Variants in MAPRE1 observed in about 807,000 individuals in gnomAD.
MAPRE1 encodes microtubule associated protein RP/EB family member 1.
In MAPRE1, 5 loss-of-function variants were observed where a neutral mutation model predicts 32.1. The observed-to-expected ratio is 0.16, with a 90% CI of 0.08 to 0.33. The LOEUF is 0.33. Ranked by LOEUF, MAPRE1 falls within the 10% of genes least tolerant of loss-of-function variation. MAPRE1 has a pLI of 1.00. For synonymous variants in MAPRE1, 122 were observed against 118.9 expected (o/e 1.03, Z -0.17); for missense variants, 209 against 327.2 (o/e 0.64, Z 2.79).
intron 3 of MAPRE1, among the ~76,000 whole-genome samples, chr20:32,836,297 A>T (rs1022728049): frequency 6.6e-6 from 1 of 152,250 alleles, no homozygotes; most frequent in Non-Finnish European, 1.5e-5. Flanking sequence ...TGCAAGTTAT[A>T]TAGCGGACCT....
chr20:32,836,567 G>A (rs1205430178), intron 3 of MAPRE1, 67 bp from the exon 4 acceptor site: 5 of 851,386 alleles, frequency 5.9e-6, no homozygotes, highest in Non-Finnish European at 9.6e-6. Flanking sequence ...ATGAATTGAT[G>A]CATGGACTAG....
At chr20:32,821,040 T>C (rs548982909) in intron 1 of MAPRE1, among the ~76,000 whole-genome samples, 1 of 150,934 alleles carries the variant, frequency 6.6e-6, no homozygotes, top group Non-Finnish European at 1.5e-5. Flanking sequence ...TTTTTTTTTT[T>C]GAGACAGAGT....
In MAPRE1 at chr20:32,836,891, C is replaced by G. The variant is rs770604287; in HGVS notation, c.475+50C>G. On this transcript the variant is annotated intron_variant, in intron 4 of 6. Coordinates refer to ENST00000375571, the MANE Select transcript of MAPRE1 (RefSeq NM_012325.3). ...TCCAAAAAATAGCGTTCCAGATATT[C>G]ATTCAGCGTTCAACTAGAATTTTTT... 2.7e-6 allele frequency: 4 copies of G among 1,505,752 alleles called. No individual in the cohort carries two copies. The East Asian group carries it at 6.8e-5, about 26-fold the overall frequency. The allele number at this position is 1,505,752 out of a possible 1,614,324, so 93.3% of individuals were successfully genotyped here.
intron 2 of MAPRE1, among the ~76,000 whole-genome samples, chr20:32,830,946 G>C (rs1448411451): frequency 6.6e-6 from 1 of 152,010 alleles, no homozygotes; most frequent in Non-Finnish European, 1.5e-5. Flanking sequence ...GGATGGTCTC[G>C]ATCTCCTGAC....
intron 5 of MAPRE1, among the ~76,000 whole-genome samples, chr20:32,840,938 C>G (rs986959109): frequency 1.3e-5 from 2 of 152,184 alleles, no homozygotes; most frequent in African/African-American, 4.8e-5. Flanking sequence ...GCCTCAGCCT[C>G]CCGAGTAGCT....
rs200062626 is a variant in MAPRE1 at position 32,846,639 on chromosome 20, G to A, written c.619G>A (p.Val207Ile). 1.9e-6 allele frequency: 3 copies of A among 1,612,808 alleles called. No homozygotes were observed. Among genetic ancestry groups the A allele is most frequent in the Admixed American group, 1.7e-5 (1 of 59,966 alleles). ...GCAGGTCAACGTATTGAAACTTACT[G>A]TTGAAGACTTGGAGAAAGAGAGGGA... ...MQQVNVLKLT[V>I]EDLEKERDFY... The change falls in exon 6 of 7, where the codon GTT becomes ATT. Residue 207 changes from valine (V) to isoleucine (I), a missense_variant. This residue lies in a region of MAPRE1 where 106 missense variants were observed against 115.3 expected (regional missense o/e 0.92). Coordinates refer to ENST00000375571, the MANE Select transcript of MAPRE1 (RefSeq NM_012325.3).
At chr20:32,826,519 CTTT>C (rs71338460) in intron 2 of MAPRE1, among the ~76,000 whole-genome samples, 1 of 46,554 alleles carries the variant, frequency 2.1e-5, no homozygotes, top group African/African-American at 8.9e-5. Context: ...CACGCCCGGC[CTTT>C]TTTTTTTTTT....
chr20:32,845,253 C>T (rs1438257667), intron 5 of MAPRE1, among the ~76,000 whole-genome samples: 1 of 152,164 alleles, frequency 6.6e-6, no homozygotes, highest in Non-Finnish European at 1.5e-5. Context: ...GTTGCCCAGG[C>T]TGGTCTCAAG....
Position 32,836,780 on chromosome 20 carries a change from T to G in MAPRE1, c.414T>G (p.Ala138=). Reference sequence around the variant, plus strand: ...GACAAGGTCAAGAAACTGCAGTGGCTCCTTCCCTTGTTGCTCCAGCTCTGA... The same window carrying G: ...GACAAGGTCAAGAAACTGCAGTGGCGCCTTCCCTTGTTGCTCCAGCTCTGA... ...AARQGQETAV[A]PSLVAPALNK... Residue 138 remains alanine (A), a synonymous_variant, in exon 4 of 7, where the codon GCT becomes GCG. Coordinates refer to ENST00000375571, the MANE Select transcript of MAPRE1 (RefSeq NM_012325.3). 1 of 1,614,188 alleles carries G rather than the reference T, an allele frequency of 6.2e-7. No homozygotes were observed. The highest frequency in any genetic ancestry group is 8.5e-7 in the Non-Finnish European group (1 of 1,180,020).
intron 4 of MAPRE1, among the ~76,000 whole-genome samples, chr20:32,838,765 G>A (rs987788257): frequency 2.0e-5 from 3 of 152,184 alleles, no homozygotes; most frequent in African/African-American, 4.8e-5. Flanking sequence ...TTTAGTCTTT[G>A]GGATAAACGT....
At chr20:32,827,534 A>C (rs993260883) in intron 2 of MAPRE1, among the ~76,000 whole-genome samples, 18 of 152,208 alleles carry the variant, frequency 1.2e-4, no homozygotes, top group African/African-American at 4.3e-4. Flanking sequence ...TAATTCCACT[A>C]TTCAAGCCGG....
At chr20:32,841,325 A>T (rs1180304098) in intron 5 of MAPRE1, among the ~76,000 whole-genome samples, 1 of 152,154 alleles carries the variant, frequency 6.6e-6, no homozygotes, top group Non-Finnish European at 1.5e-5. Flanking sequence ...CAAACACAGG[A>T]AGCAGTTTCA....
chr20:32,823,902 A>C (rs242552), intron 1 of MAPRE1, among the ~76,000 whole-genome samples: 3 of 152,194 alleles, frequency 2.0e-5, no homozygotes, highest in Non-Finnish European at 4.4e-5. Context: ...AAACAAACCC[A>C]ACAGTGGATT....
At chr20:32,829,973 G>A (rs890495532) in intron 2 of MAPRE1, among the ~76,000 whole-genome samples, 1 of 151,380 alleles carries the variant, frequency 6.6e-6, no homozygotes, top group Non-Finnish European at 1.5e-5. Flanking sequence ...GCTTTTTTTT[G>A]TCAGAAAGGG....
At chr20:32,836,933 T>G in intron 4 of MAPRE1, 92 bp downstream of exon 4, 1 of 1,106,152 alleles carries the variant, frequency 9.0e-7, no homozygotes, top group Non-Finnish European at 1.3e-6. Flanking sequence ...GCCATAGGCT[T>G]AGGGATCTTA....
At chr20:32,837,029 T>C (rs1983222185) in intron 4 of MAPRE1, among the ~76,000 whole-genome samples, 188 bp downstream of exon 4, 1 of 152,200 alleles carries the variant, frequency 6.6e-6, no homozygotes, top group African/African-American at 2.4e-5. Context: ...TCTGTAGCCC[T>C]GTGTAAGCAA....
At chr20:32,830,273 C>G (rs1370255328) in intron 2 of MAPRE1, among the ~76,000 whole-genome samples, 1 of 152,270 alleles carries the variant, frequency 6.6e-6, no homozygotes, top group East Asian at 1.9e-4. Context: ...GGCGATCTTG[C>G]TTCTGCTGCA....
intron 3 of MAPRE1, among the ~76,000 whole-genome samples, chr20:32,835,364 G>GTTTTTTTTTGT (rs1983162781): frequency 9.4e-6 from 1 of 106,658 alleles, no homozygotes; most frequent in South Asian, 3.1e-4. Context: ...TTTTATTGGT[G>GTTTTTTTTTGT]TTTTTTTTTT....
rs529717171 is a variant in MAPRE1, at chr20:32,827,523, A to T, written c.121+1475A>T. 7.2e-5 allele frequency among the ~76,000 whole-genome samples: 11 copies of T among 152,326 alleles called. No homozygotes were observed. In the East Asian group the frequency reaches 2.1e-3, roughly 29 times the overall value. On this transcript the variant is annotated intron_variant, in intron 2 of 6. Coordinates refer to ENST00000375571, the MANE Select transcript of MAPRE1 (RefSeq NM_012325.3). ...AAAGAAGAAAACAAAAAAATGCCTT[A>T]TAATTCCACTATTCAAGCCGGCTAC...
Sources: allele counts gnomAD v4.1 joint callset (sites outside exome capture counted in the v4.1 genomes callset), GRCh38; gene constraint gnomAD v4.1.1; regional missense constraint gnomAD v4.1.1; transcripts MANE v1.5; gene names NCBI Gene and HGNC (gene_info 2026-07-23, HGNC 2026-07-21).